RALY: variants seen among roughly 807,000 people sequenced by gnomAD.
RALY encodes the protein RNA-binding protein Raly.
RALY carries 15 observed loss-of-function variants against 30.7 expected under a neutral mutation model. The ratio of observed to expected loss-of-function variants is 0.49; its 90% CI spans 0.33 to 0.75. RALY has a LOEUF of 0.75. RALY is among the 30% of genes least tolerant of loss of function. The pLI is 0.02. For missense variants in RALY, 339 were observed against 414.3 expected, an observed-to-expected ratio of 0.82 and a Z score of 1.58; for synonymous variants, 177 against 170.8, an observed-to-expected ratio of 1.04 and a Z score of -0.28.
At chr20:34,068,566 A>G (rs760147126) in intron 2 of RALY, among the ~76,000 whole-genome samples, 5 of 152,220 alleles carry the variant, frequency 3.3e-5, no homozygotes, top group Non-Finnish European at 5.9e-5. Flanking sequence ...GGCCTGCCCT[A>G]TAACATTTGC....
intron 2 of RALY, among the ~76,000 whole-genome samples, chr20:34,071,764 G>A (rs2033734956): frequency 6.6e-6 from 1 of 152,138 alleles, no homozygotes; most frequent in Admixed American, 6.5e-5. Flanking sequence ...TCCCAGCCCT[G>A]CCATTCACTA....
At chr20:34,021,853 T>C (rs2031835104) in intron 1 of RALY, among the ~76,000 whole-genome samples, 1 of 151,700 alleles carries the variant, frequency 6.6e-6, no homozygotes, top group Admixed American at 6.5e-5. Flanking sequence ...AAATTTGTTC[T>C]TTTAAATTTT....
intron 1 of RALY, among the ~76,000 whole-genome samples, chr20:34,030,946 C>G (rs1008364357): frequency 2.0e-5 from 3 of 152,098 alleles, no homozygotes; most frequent in Non-Finnish European, 4.4e-5. Context: ...ACCATTTTAT[C>G]TAAAATAGAC....
intron 2 of RALY, among the ~76,000 whole-genome samples, chr20:34,068,532 C>T (rs1295516954): frequency 6.6e-6 from 1 of 152,206 alleles, no homozygotes; most frequent in Admixed American, 6.5e-5. Context: ...TGATTGAACA[C>T]TTACTGTGCC....
intron 2 of RALY, among the ~76,000 whole-genome samples, chr20:34,053,560 G>T (rs2033150077): frequency 6.6e-6 from 1 of 151,766 alleles, no homozygotes; most frequent in Non-Finnish European, 1.5e-5. Flanking sequence ...ACCATGCCCG[G>T]CTAATTTTTA....
chr20:34,012,698 T>A (rs1337157897), intron 1 of RALY, among the ~76,000 whole-genome samples: 1 of 151,136 alleles, frequency 6.6e-6, no homozygotes, highest in Non-Finnish European at 1.5e-5. Context: ...AACTGTCCCC[T>A]CTTCTTCTCC....
intron 8 of RALY, 43 bp downstream of exon 8, chr20:34,077,288 C>CCTACTCTCAGGAGGCCAA (rs1422022593): frequency 6.2e-7 from 1 of 1,608,978 alleles, no homozygotes; most frequent in African/African-American, 1.3e-5. Context: ...CGACTGTGCT[C>CCTACTCTCAGGAGGCCAA]CTACTCTCAG....
intron 2 of RALY, among the ~76,000 whole-genome samples, chr20:34,042,036 G>A (rs2032719535): frequency 6.6e-6 from 1 of 152,126 alleles, no homozygotes; most frequent in Admixed American, 6.5e-5. Flanking sequence ...GCGCGGGATT[G>A]CCATCCCGGC....
At chr20:34,037,644 C>T (rs997250110) in intron 2 of RALY, among the ~76,000 whole-genome samples, 17 of 152,148 alleles carry the variant, frequency 1.1e-4, no homozygotes, top group African/African-American at 3.9e-4. Context: ...ATAGTTTCTA[C>T]CCAGCGTACT....
intron 2 of RALY, among the ~76,000 whole-genome samples, chr20:34,042,517 C>T (rs765552294): frequency 1.8e-4 from 28 of 152,158 alleles, no homozygotes; most frequent in Non-Finnish European, 3.1e-4. Context: ...TCTCTTGCCT[C>T]ATGACATCTG....
intron 1 of RALY, among the ~76,000 whole-genome samples, chr20:34,030,164 A>G (rs1186649629): frequency 6.6e-6 from 1 of 152,128 alleles, no homozygotes; most frequent in Non-Finnish European, 1.5e-5. Context: ...TCTGTTTTTG[A>G]GAATTGTTAT....
At chr20:34,065,468 T>C (rs1044690742) in intron 2 of RALY, among the ~76,000 whole-genome samples, 2 of 152,176 alleles carry the variant, frequency 1.3e-5, no homozygotes, top group African/African-American at 2.4e-5. Flanking sequence ...CTGTTTGACA[T>C]GCAGGGAGCT....
intron 1 of RALY, among the ~76,000 whole-genome samples, chr20:34,003,629 A>G (rs2031020618): frequency 6.7e-6 from 1 of 150,180 alleles, no homozygotes; most frequent in Admixed American, 6.6e-5. Context: ...TAAATATGCC[A>G]AACAGTTTTT....
intron 1 of RALY, among the ~76,000 whole-genome samples, chr20:34,026,840 T>C (rs184197896): frequency 1.3e-5 from 2 of 152,278 alleles, no homozygotes; most frequent in East Asian, 1.9e-4. Flanking sequence ...TTAGTAGATA[T>C]TCGGTTGATA....
At chr20:34,021,392 C>T (rs866398101) in intron 1 of RALY, among the ~76,000 whole-genome samples, 42 of 152,130 alleles carry the variant, frequency 2.8e-4, no homozygotes, top group Admixed American at 1.8e-3. Flanking sequence ...AGGGGCCGCC[C>T]GCATCTGGTG....
At chr20:34,035,295 T>A (rs1243864521) in intron 2 of RALY, among the ~76,000 whole-genome samples, 1 of 151,498 alleles carries the variant, frequency 6.6e-6, no homozygotes, top group East Asian at 1.9e-4. Flanking sequence ...TGGGTTCCTC[T>A]CGAAGGCTAG....
intron 2 of RALY, among the ~76,000 whole-genome samples, chr20:34,045,096 G>A (rs1484249080): frequency 6.6e-6 from 1 of 151,832 alleles, no homozygotes; most frequent in Non-Finnish European, 1.5e-5. Context: ...TTTTTTTGTA[G>A]AGCCAGGGTC....
At chr20:34,045,255 AAATC>A (rs1057389740) in intron 2 of RALY, among the ~76,000 whole-genome samples, 4 of 152,186 alleles carry the variant, frequency 2.6e-5, no homozygotes, top group African/African-American at 7.2e-5. Flanking sequence ...AAAAATTAGT[AAATC>A]AATTATGTAA....
intron 2 of RALY, among the ~76,000 whole-genome samples, chr20:34,050,492 G>A (rs1040202551): frequency 6.6e-6 from 1 of 152,184 alleles, no homozygotes; most frequent in African/African-American, 2.4e-5. Flanking sequence ...GAAACTAGAG[G>A]GAGCAGATGG....
Sources: gnomAD v4.1 joint callset for allele counts (sites outside exome capture counted in the v4.1 genomes callset) on GRCh38, gnomAD v4.1.1 for gene constraint, MANE v1.5 for transcripts, NCBI Gene and HGNC (gene_info 2026-07-23, HGNC 2026-07-21) for gene names.